LGR5: variants seen among roughly 807,000 people sequenced by gnomAD.
LGR5 encodes the protein leucine-rich repeat-containing G protein-coupled receptor 5.
LGR5 carries 54 observed loss-of-function variants against 76.7 expected under a neutral mutation model. The ratio of observed to expected loss-of-function variants is 0.70; its 90% CI spans 0.57 to 0.88. The LOEUF (loss-of-function observed/expected upper bound fraction) is 0.88. LGR5 is among the 40% of genes least tolerant of loss of function. The pLI is 0.00. For missense variants in LGR5, 1,078 were observed against 1,073.3 expected (o/e 1.00, Z -0.06); for synonymous variants, 406 against 421.9 (o/e 0.96, Z 0.46).
intron 4 of LGR5, among the ~76,000 whole-genome samples, chr12:71,535,947 G>T (rs897380845): frequency 1.3e-5 from 2 of 152,170 alleles, no homozygotes; most frequent in Admixed American, 6.5e-5. Flanking sequence ...TTTGGAACTT[G>T]TATTGTAAGC....
chr12:71,538,130 A>G (rs762227071), intron 4 of LGR5, among the ~76,000 whole-genome samples: 5 of 152,136 alleles, frequency 3.3e-5, no homozygotes, highest in Admixed American at 6.5e-5. Context: ...CAACTGAATA[A>G]CTTCTACAGC....
intron 4 of LGR5, among the ~76,000 whole-genome samples, chr12:71,550,306 A>G (rs1215895081): frequency 1.3e-5 from 2 of 150,696 alleles, no homozygotes; most frequent in East Asian, 3.9e-4. Flanking sequence ...ATGCACCACC[A>G]CACCCACCTA....
At chr12:71,569,348 A>C (rs1878495856) in intron 11 of LGR5, among the ~76,000 whole-genome samples, 1 of 152,252 alleles carries the variant, frequency 6.6e-6, no homozygotes, top group East Asian at 1.9e-4. Flanking sequence ...ACAGCAAATG[A>C]AACTATCATC....
At chr12:71,450,561 A>G (rs952658427) in intron 1 of LGR5, among the ~76,000 whole-genome samples, 1 of 152,136 alleles carries the variant, frequency 6.6e-6, no homozygotes, top group African/African-American at 2.4e-5. Context: ...TATCCACCTC[A>G]GCCTTCCAAA....
intron 1 of LGR5, among the ~76,000 whole-genome samples, chr12:71,463,231 T>A (rs1018390652): frequency 6.6e-6 from 1 of 152,224 alleles, no homozygotes; most frequent in African/African-American, 2.4e-5. Context: ...AACCTGAGCA[T>A]CTGTTCTTGA....
chr12:71,581,945 A>G (rs1014873307), intron 16 of LGR5, among the ~76,000 whole-genome samples: 1 of 152,184 alleles, frequency 6.6e-6, no homozygotes, highest in African/African-American at 2.4e-5. Context: ...CAAAACTCCT[A>G]TTTCATGGAT....
chr12:71,505,226 A>C (rs1874795458), intron 2 of LGR5, among the ~76,000 whole-genome samples: 1 of 152,228 alleles, frequency 6.6e-6, no homozygotes, highest in Non-Finnish European at 1.5e-5. Context: ...CAGAAGATTT[A>C]AAACTGGGCT....
At chr12:71,572,531 T>C (rs1475736570) in intron 12 of LGR5, among the ~76,000 whole-genome samples, 3 of 152,196 alleles carry the variant, frequency 2.0e-5, no homozygotes, top group Non-Finnish European at 4.4e-5. Flanking sequence ...GAATTTACCC[T>C]CCTGAAGACC....
chr12:71,456,395 G>A (rs995311518), intron 1 of LGR5, among the ~76,000 whole-genome samples: 2 of 152,108 alleles, frequency 1.3e-5, no homozygotes, highest in African/African-American at 2.4e-5. Context: ...AAGCTGGCAG[G>A]GTTGTGTTCT....
At chr12:71,551,506 T>C (rs1393009705) in intron 4 of LGR5, among the ~76,000 whole-genome samples, 2 of 152,242 alleles carry the variant, frequency 1.3e-5, no homozygotes, top group Non-Finnish European at 2.9e-5. Flanking sequence ...TTTTTAATCC[T>C]ACCTTTGAAA....
chr12:71,499,762 T>A (rs1874509090), intron 1 of LGR5, among the ~76,000 whole-genome samples: 1 of 152,118 alleles, frequency 6.6e-6, no homozygotes, highest in Non-Finnish European at 1.5e-5. Context: ...CTTTAATTCT[T>A]CAGCCCCTCA....
chr12:71,542,067 C>A (rs1236990351), intron 4 of LGR5, among the ~76,000 whole-genome samples: 2 of 152,184 alleles, frequency 1.3e-5, no homozygotes, highest in Non-Finnish European at 1.5e-5. Context: ...GCAACAATAT[C>A]AAAGCGTGAG....
intron 2 of LGR5, among the ~76,000 whole-genome samples, chr12:71,512,841 G>A (rs1199407130): frequency 1.3e-5 from 2 of 152,196 alleles, no homozygotes; most frequent in Non-Finnish European, 2.9e-5. Flanking sequence ...TGTCAGTAAC[G>A]TTGTTGGAAT....
chr12:71,450,546 G>A (rs1872205190), intron 1 of LGR5, among the ~76,000 whole-genome samples: 1 of 152,150 alleles, frequency 6.6e-6, no homozygotes, highest in Non-Finnish European at 1.5e-5. Flanking sequence ...CTGGCCTCAA[G>A]TAATTATCCA....
intron 5 of LGR5, among the ~76,000 whole-genome samples, chr12:71,555,185 G>T (rs1877695289): frequency 6.6e-6 from 1 of 152,052 alleles, no homozygotes; most frequent in African/African-American, 2.4e-5. Flanking sequence ...ATCTTAGTAT[G>T]GAAGGAAAAG....
At chr12:71,445,101 T>G (rs776937929) in intron 1 of LGR5, among the ~76,000 whole-genome samples, 3 of 152,190 alleles carry the variant, frequency 2.0e-5, no homozygotes, top group Non-Finnish European at 4.4e-5. Context: ...ATGTTTTTGT[T>G]TGGTTCAGTT....
rs1877572505 is a variant in LGR5 at position 71,553,085 on chromosome 12, T to C, written c.441T>C (p.Ala147=). 3 of 1,613,884 alleles carry C rather than the reference T, an allele frequency of 1.9e-6. No homozygotes were observed. Among genetic ancestry groups the C allele is most frequent in the South Asian group, 1.1e-5 (1 of 91,082 alleles). The change falls in exon 5 of 18, where the codon GCT becomes GCC. Residue 147 remains alanine (A), a synonymous_variant. Transcript: ENST00000266674. ...CTTTCTTCCACAGGCGTCTGGATGCTAACCACATCAGCTATGTGCCCCCAA... is the reference window on the plus strand; with the variant it reads ...CTTTCTTCCACAGGCGTCTGGATGCCAACCACATCAGCTATGTGCCCCCAA... ...LRSLQSLRLD[A]NHISYVPPSC...
intron 1 of LGR5, among the ~76,000 whole-genome samples, chr12:71,479,150 AT>A (rs71068766): frequency 0.09 from 13,630 of 152,126 alleles, 656 homozygotes; most frequent in Non-Finnish European, 0.11. Flanking sequence ...GCTTCCTTTT[AT>A]TTTTTTCTAT....
rs748521529 is a variant in LGR5 at position 71,566,924 on chromosome 12, T to C, written c.1070+12T>C. 48 of 1,597,574 alleles carry C rather than the reference T, an allele frequency of 3.0e-5. No homozygotes were observed. In the Admixed American group the frequency reaches 4.0e-4, roughly 13 times the overall value. ...AATCTCCAAGTGCTGTGCGTATCAG[T>C]AAGGCAATAATGTTGTGTAAACAGG... On this transcript the variant is annotated intron_variant, in intron 11 of 17. Coordinates refer to ENST00000266674, the MANE Select transcript of LGR5 (RefSeq NM_003667.4).
Sources: allele counts gnomAD v4.1 joint callset (sites outside exome capture counted in the v4.1 genomes callset), GRCh38; gene constraint gnomAD v4.1.1; transcripts MANE v1.5; gene names NCBI Gene and HGNC (gene_info 2026-07-23, HGNC 2026-07-21).